The following KLHL2 variants were observed in gnomAD, a reference collection of about 807,000 sequenced individuals.
The protein encoded by KLHL2 is kelch like family member 2, also known as kelch-like protein 2.
KLHL2 carries 15 observed loss-of-function variants against 75.8 expected under a neutral mutation model. The observed-to-expected ratio is 0.20, with a 90% CI of 0.13 to 0.30. KLHL2 has a LOEUF of 0.30. Among genes scored for constraint, KLHL2 ranks in the 10% least tolerant of loss-of-function variants. The probability of loss-of-function intolerance (pLI) is 1.00; values close to 1 mark genes in which losing one functional copy is unlikely to be tolerated. For missense variants in KLHL2, 381 were observed against 741.0 expected, an observed-to-expected ratio of 0.51 and a Z score of 5.64; for synonymous variants, 214 against 251.9, an observed-to-expected ratio of 0.85 and a Z score of 1.42.
chr4:165,303,337 T>C (rs1745473966), intron 8 of KLHL2, among the ~76,000 whole-genome samples: 1 of 152,176 alleles, frequency 6.6e-6, no homozygotes, highest in African/African-American at 2.4e-5. Context: ...TTAAAAAATG[T>C]TCCCTTCTGA....
intron 5 of KLHL2, among the ~76,000 whole-genome samples, chr4:165,284,825 A>G (rs1436774557): frequency 2.0e-5 from 3 of 152,214 alleles, no homozygotes; most frequent in African/African-American, 4.8e-5. Context: ...ACAGTTCCAC[A>G]TGGCTGGGGA....
intron 5 of KLHL2, among the ~76,000 whole-genome samples, chr4:165,285,314 TAAA>T (rs1392290065): frequency 6.6e-6 from 1 of 152,200 alleles, no homozygotes; most frequent in Non-Finnish European, 1.5e-5. Context: ...CATTAGGGGT[TAAA>T]AAAGAGTGGG....
At chr4:165,233,416 G>A (rs1354981962) in intron 3 of KLHL2, among the ~76,000 whole-genome samples, 1 of 150,522 alleles carries the variant, frequency 6.6e-6, no homozygotes, top group Non-Finnish European at 1.5e-5. Flanking sequence ...AAATCTGGTG[G>A]GAAGTACTGA....
chr4:165,322,128 T>C lies in KLHL2; in HGVS notation c.*68T>C. 1 of 1,392,938 alleles carries C rather than the reference T, an allele frequency of 7.2e-7. No homozygotes were observed. The highest frequency in any genetic ancestry group is 2.3e-5 in the East Asian group (1 of 43,772). 86.3% of individuals were successfully genotyped at this position (1,392,938 alleles called of 1,614,324 possible). On this transcript the variant is annotated 3_prime_UTR_variant, in exon 15 of 15. Transcript: ENST00000226725. ...CTTCAACAAGTATTTGTGAAGTGAC[T>C]GAGAATCTAGCACTTCTCCACTTGT...
intron 11 of KLHL2, among the ~76,000 whole-genome samples, chr4:165,311,821 G>C (rs925318737): frequency 2.0e-4 from 29 of 144,964 alleles, no homozygotes; most frequent in East Asian, 5.8e-4. Flanking sequence ...GTGTGTGTGT[G>C]TGTGTGTGTG....
intron 1 of KLHL2, among the ~76,000 whole-genome samples, chr4:165,213,831 G>A (rs1394142045): frequency 5.9e-5 from 9 of 152,136 alleles, no homozygotes; most frequent in Admixed American, 5.2e-4. Flanking sequence ...AGGCCAATAA[G>A]ATCCATAAAA....
chr4:165,299,091 G>C (rs750596825), intron 7 of KLHL2, among the ~76,000 whole-genome samples: 13 of 152,004 alleles, frequency 8.6e-5, no homozygotes, highest in Non-Finnish European at 1.5e-4. Context: ...TTGCCCACTT[G>C]TGTTTGAAAA....
chr4:165,268,592 G>A (rs901152245), intron 5 of KLHL2, among the ~76,000 whole-genome samples: 4 of 152,182 alleles, frequency 2.6e-5, no homozygotes, highest in African/African-American at 4.8e-5. Flanking sequence ...TTCAGGAGCA[G>A]GTTGTTCAGT....
At chr4:165,229,876 A>G (rs3892847) in intron 3 of KLHL2, among the ~76,000 whole-genome samples, 12,023 of 98,820 alleles carry the variant, frequency 0.12, no homozygotes, top group East Asian at 0.15. Context: ...TGGAGAAGAC[A>G]GACTGAGTGA....
At chr4:165,289,883 G>A (rs1744379657) in intron 5 of KLHL2, among the ~76,000 whole-genome samples, 1 of 152,092 alleles carries the variant, frequency 6.6e-6, no homozygotes, top group Non-Finnish European at 1.5e-5. Flanking sequence ...AAAAGCATAA[G>A]GCGGCCAGCA....
chr4:165,248,690 G>A (rs1280778401), intron 4 of KLHL2, among the ~76,000 whole-genome samples: 2 of 152,188 alleles, frequency 1.3e-5, no homozygotes, highest in African/African-American at 2.4e-5. Context: ...AGTAGGAAAT[G>A]CTATTCAAGC....
At chr4:165,309,798 T>C (rs1045706278) in intron 9 of KLHL2, among the ~76,000 whole-genome samples, 1 of 152,204 alleles carries the variant, frequency 6.6e-6, no homozygotes, top group African/African-American at 2.4e-5. Flanking sequence ...GCTGTAAATT[T>C]GCCGACCCCT....
At chr4:165,264,761 TATATAA>T (rs1560784375) in intron 5 of KLHL2, among the ~76,000 whole-genome samples, 373 of 96,662 alleles carry the variant, frequency 3.9e-3, no homozygotes, top group African/African-American at 0.01. Flanking sequence ...TATATATATA[TATATAA>T]AACATTATCC....
chr4:165,314,289 T>A (rs1201980145), intron 13 of KLHL2, 123 bp downstream of exon 13: 7 of 901,208 alleles, frequency 7.8e-6, no homozygotes, highest in Admixed American at 2.6e-5. Flanking sequence ...GGTTCCCTGA[T>A]AGACTCTGAA....
chr4:165,310,485 A>C (rs1264796020), intron 9 of KLHL2, 68 bp from the exon 10 acceptor site: 35 of 1,308,726 alleles, frequency 2.7e-5, no homozygotes, highest in Non-Finnish European at 3.9e-5. Context: ...TTTATCAGAA[A>C]GCAATCTTTG....
chr4:165,248,113 C>T (rs774603478), intron 4 of KLHL2, among the ~76,000 whole-genome samples: 16 of 152,050 alleles, frequency 1.1e-4, no homozygotes, highest in Non-Finnish European at 2.2e-4. Flanking sequence ...TGGCTCTACA[C>T]CATGTTTTAA....
chr4:165,261,431 C>A (rs1208664878), intron 4 of KLHL2, among the ~76,000 whole-genome samples: 2 of 151,466 alleles, frequency 1.3e-5, no homozygotes, highest in Non-Finnish European at 2.9e-5. Context: ...ACCTCTGCCT[C>A]CAGGGTTCAA....
chr4:165,264,750 A>ATATATATATATATG (rs1742091612), intron 5 of KLHL2, among the ~76,000 whole-genome samples: 1 of 88,348 alleles, frequency 1.1e-5, no homozygotes, highest in African/African-American at 5.2e-5. Context: ...GTATATATAT[A>ATATATATATATATG]TATATATATA....
chr4:165,312,763 C>T (rs1746302783), intron 11 of KLHL2, among the ~76,000 whole-genome samples: 1 of 152,226 alleles, frequency 6.6e-6, no homozygotes, highest in African/African-American at 2.4e-5. Flanking sequence ...ACTTCTTTGG[C>T]TTAGGGTGAT....
Sources: gnomAD v4.1 joint callset for allele counts (sites outside exome capture counted in the v4.1 genomes callset) on GRCh38, gnomAD v4.1.1 for gene constraint, MANE v1.5 for transcripts, NCBI Gene and HGNC (gene_info 2026-07-23, HGNC 2026-07-21) for gene names.